LMX1B: variants seen among roughly 807,000 people sequenced by gnomAD.
LMX1B encodes LIM homeobox transcription factor 1 beta.
LMX1B carries 12 observed loss-of-function variants against 51.4 expected under a neutral mutation model. That is an observed-to-expected ratio of 0.23 (90% CI 0.15 to 0.38). The LOEUF is 0.38. Ranked by LOEUF, LMX1B falls within the 10% of genes least tolerant of loss-of-function variation. The pLI is 1.00. For missense variants in LMX1B, 445 were observed against 571.1 expected (o/e 0.78, Z 2.25); for synonymous variants, 237 against 235.4 (o/e 1.01, Z -0.06).
rs151176137 is a variant in LMX1B at position 126,658,860 on chromosome 9, G to A, written c.327-31976G>A. ...CCCTTGCCTGTATCAGGCCTGGTTT[G>A]CTGTGGAGAGAAGGAGGACTTCCTG... On this transcript the variant is annotated intron_variant, in intron 2 of 7. Transcript: ENST00000373474. The surrounding 1 kb of genome is among the most constrained non-coding windows in gnomAD (Gnocchi z 4.0). 2.6e-5 allele frequency among the ~76,000 whole-genome samples: 4 copies of A among 152,330 alleles called. No individual in the cohort carries two copies. The highest frequency in any genetic ancestry group is 5.9e-5 in the Non-Finnish European group (4 of 68,028).
At chr9:126,636,202 C>T (rs1374552552) in intron 2 of LMX1B, among the ~76,000 whole-genome samples, 1 of 152,082 alleles carries the variant, frequency 6.6e-6, no homozygotes, top group African/African-American at 2.4e-5. Context: ...AGACACAAGG[C>T]AGACACAGCC....
rs1453882220 is a variant in LMX1B, at chr9:126,618,657, CT to C, written c.326+3091del. ...CGGAGAACAAATGAAAAATAAGGCACTTTCCCCCCTCCCATGTTTTTATCTT... is the reference window on the plus strand; with the variant it reads ...CGGAGAACAAATGAAAAATAAGGCACTTCCCCCCTCCCATGTTTTTATCTT... On this transcript the variant is annotated intron_variant, in intron 2 of 7. Transcript: ENST00000373474. The surrounding 1 kb of genome is among the most constrained non-coding windows in gnomAD (Gnocchi z 4.5). 6.6e-6 allele frequency among the ~76,000 whole-genome samples: 1 copy of C among 152,216 alleles called. No individual in the cohort carries two copies.
At chr9:126,645,777 T>G (rs1835888941) in intron 2 of LMX1B, among the ~76,000 whole-genome samples, 1 of 152,108 alleles carries the variant, frequency 6.6e-6, no homozygotes, top group South Asian at 2.1e-4. Context: ...ATGGATTCCA[T>G]GTTTAAGAGT....
rs574853238 is a variant in LMX1B at position 126,650,938 on chromosome 9, T to C, written c.326+35369T>C. 2.0e-5 allele frequency among the ~76,000 whole-genome samples: 3 copies of C among 152,316 alleles called. No individual in the cohort carries two copies. The East Asian group carries it at 5.8e-4, about 29-fold the overall frequency. ...CCCGGGGCACACTTAGAGAACAGTA[T>C]GTGTCATGTAGCCAATTTAGATAAT... On this transcript the variant is annotated intron_variant, in intron 2 of 7. Coordinates refer to ENST00000373474, the MANE Select transcript of LMX1B (RefSeq NM_001174147.2).
chr9:126,641,386 T>G lies in LMX1B; in HGVS notation c.326+25817T>G, dbSNP rs1055437051. 6.6e-6 allele frequency: 1 copy of G among 152,248 alleles called. No individual in the cohort carries two copies. Among genetic ancestry groups the G allele is most frequent in the Non-Finnish European group, 1.5e-5 (1 of 68,062 alleles). The allele number at this position is 152,248 out of a possible 1,614,324, so 9.4% of individuals were successfully genotyped here. ...CATAGGTACCATCAGTATCCTCATC[T>G]TATGGAGGCACAGACTGAGGCTCTG... On this transcript the variant is annotated intron_variant, in intron 2 of 7. Coordinates refer to ENST00000373474, the MANE Select transcript of LMX1B (RefSeq NM_001174147.2). This position sits in a 1 kb window ranked among gnomAD's most constrained non-coding sequence, Gnocchi z 4.1.
chr9:126,681,980 G>C (rs888123627), intron 2 of LMX1B, among the ~76,000 whole-genome samples: 16 of 143,556 alleles, frequency 1.1e-4, no homozygotes, highest in East Asian at 2.0e-4. Flanking sequence ...CCTATCTCAT[G>C]TGATCTGTCC....
intron 2 of LMX1B, among the ~76,000 whole-genome samples, chr9:126,680,053 A>G (rs995880356): frequency 9.2e-5 from 14 of 152,308 alleles, no homozygotes; most frequent in Admixed American, 9.1e-4. Context: ...CCGGAGAGAA[A>G]TCCAAAGGCC....
chr9:126,634,634 T>C (rs2118867502), intron 2 of LMX1B, among the ~76,000 whole-genome samples: 2 of 152,270 alleles, frequency 1.3e-5, no homozygotes, highest in East Asian at 3.9e-4. Flanking sequence ...CATGAGCCAC[T>C]GTCTTGAGTC....
rs1041181159 is a variant in LMX1B, at chr9:126,626,709, C to T, written c.326+11140C>T. On this transcript the variant is annotated intron_variant, in intron 2 of 7. Transcript: ENST00000373474. The surrounding 1 kb of genome is among the most constrained non-coding windows in gnomAD (Gnocchi z 4.3). ...AAAGGGGTGGGTGGGGGGCGTCGAGCGAGCGAGGGAAGGAGCAAGGAGGCG... is the reference window on the plus strand; with the variant it reads ...AAAGGGGTGGGTGGGGGGCGTCGAGTGAGCGAGGGAAGGAGCAAGGAGGCG... Among the ~76,000 whole-genome samples, 20 of 152,126 alleles carry T rather than the reference C, an allele frequency of 1.3e-4. 1 individual carries two copies. Among genetic ancestry groups the T allele is most frequent in the Non-Finnish European group, 4.4e-5 (3 of 68,014 alleles).
intron 4 of LMX1B, 79 bp from the exon 5 acceptor site, chr9:126,693,445 T>C: frequency 6.4e-7 from 1 of 1,558,762 alleles, no homozygotes; most frequent in Non-Finnish European, 8.8e-7. Context: ...TCTCCGCACA[T>C]CCCATCATAC....
Position 126,635,412 on chromosome 9 carries a change from C to T in LMX1B, c.326+19843C>T, listed in dbSNP as rs542323062. The stretch of plus-strand genomic sequence containing the variant: ...GTTGCAGTCGGAGGAGATGCTATGG[C>T]GAGGGCACTCCAGGCTGAGGGCACT... On this transcript the variant is annotated intron_variant, in intron 2 of 7. Coordinates refer to ENST00000373474, the MANE Select transcript of LMX1B (RefSeq NM_001174147.2). Among the ~76,000 whole-genome samples, 8 of 152,292 alleles carry T rather than the reference C, an allele frequency of 5.3e-5. No homozygotes were observed. The South Asian group carries it at 1.7e-3, about 32-fold the overall frequency.
rs1564161479 is a variant in LMX1B at position 126,669,241 on chromosome 9, CG to C, written c.327-21594del. ...GTGAGGCTGAAACAAGGCCTGGCCG[CG>C]AGGAGGGTGGAGACAGGGATGAGGG... On this transcript the variant is annotated intron_variant, in intron 2 of 7. Coordinates refer to ENST00000373474, the MANE Select transcript of LMX1B (RefSeq NM_001174147.2). Among the ~76,000 whole-genome samples, 177 of 151,742 alleles carry C rather than the reference CG, an allele frequency of 1.2e-3. 2 individuals carry two copies. The highest frequency in any genetic ancestry group is 4.1e-3 in the African/African-American group (169 of 41,336).
At chr9:126,642,693 T>C (rs1016358765) in intron 2 of LMX1B, among the ~76,000 whole-genome samples, 6 of 152,216 alleles carry the variant, frequency 3.9e-5, no homozygotes, top group Non-Finnish European at 7.3e-5. Flanking sequence ...GAGGGTCTGC[T>C]GAGTGAATGG....
At chr9:126,666,265 C>G in intron 2 of LMX1B, among the ~76,000 whole-genome samples, 1 of 152,190 alleles carries the variant, frequency 6.6e-6, no homozygotes, top group South Asian at 2.1e-4. Context: ...CGAATCCAGC[C>G]TGGAAGGATG....
intron 2 of LMX1B, among the ~76,000 whole-genome samples, chr9:126,649,993 G>A (rs111535866): frequency 1.3e-5 from 2 of 152,286 alleles, no homozygotes; most frequent in African/African-American, 4.8e-5. Context: ...ATCCCTGCTT[G>A]CGAAGCTTGG....
At chr9:126,679,238 C>T (rs1270668591) in intron 2 of LMX1B, among the ~76,000 whole-genome samples, 1 of 151,146 alleles carries the variant, frequency 6.6e-6, no homozygotes, top group South Asian at 2.1e-4. Context: ...TGAGTCACTA[C>T]ATGGCGTTTG....
intron 2 of LMX1B, among the ~76,000 whole-genome samples, chr9:126,669,865 G>A (rs1836418097): frequency 6.6e-6 from 1 of 152,124 alleles, no homozygotes; most frequent in Non-Finnish European, 1.5e-5. Context: ...CCCCAGGATG[G>A]CCCCCAGGTA....
At chr9:126,648,927 C>T (rs772096708) in intron 2 of LMX1B, among the ~76,000 whole-genome samples, 3 of 152,150 alleles carry the variant, frequency 2.0e-5, no homozygotes, top group African/African-American at 2.4e-5. Context: ...CCATGCCGCA[C>T]GGGAAGCTCT....
At chr9:126,631,105 G>A (rs994002047) in intron 2 of LMX1B, among the ~76,000 whole-genome samples, 1 of 152,242 alleles carries the variant, frequency 6.6e-6, no homozygotes, top group African/African-American at 2.4e-5. Flanking sequence ...TGGGATGTCA[G>A]CCTGATAAGT....
Sources: allele counts gnomAD v4.1 joint callset (sites outside exome capture counted in the v4.1 genomes callset), GRCh38; gene constraint gnomAD v4.1.1; non-coding constraint Gnocchi (gnomAD v3.1); transcripts MANE v1.5; gene names NCBI Gene and HGNC (gene_info 2026-07-23, HGNC 2026-07-21).